ATCAY: variants seen among roughly 807,000 people sequenced by gnomAD.
ATCAY encodes the protein ATCAY kinesin light chain interacting caytaxin.
A neutral mutation model predicts 47.7 loss-of-function variants in ATCAY; 22 were observed. That is an observed-to-expected ratio of 0.46 (90% CI 0.33 to 0.66). The LOEUF (loss-of-function observed/expected upper bound fraction) is 0.66, where lower values mean the gene tolerates loss of function less well. ATCAY is among the 30% of genes least tolerant of loss of function. ATCAY has a pLI of 0.02. For missense variants in ATCAY, 452 were observed against 515.0 expected, an observed-to-expected ratio of 0.88 and a Z score of 1.18; for synonymous variants, 216 against 207.6, an observed-to-expected ratio of 1.04 and a Z score of -0.35.
intron 1 of ATCAY, among the ~76,000 whole-genome samples, chr19:3,883,570 T>C (rs1193308354): frequency 1.3e-5 from 2 of 152,204 alleles, no homozygotes; most frequent in East Asian, 3.9e-4. Flanking sequence ...TTCTTGGTCA[T>C]GGGCGGCCAT....
intron 2 of ATCAY, among the ~76,000 whole-genome samples, chr19:3,899,876 G>T (rs2038801344): frequency 6.6e-6 from 1 of 152,176 alleles, no homozygotes; most frequent in Non-Finnish European, 1.5e-5. Context: ...GCGGCTTCAA[G>T]AAGTGATCTG....
chr19:3,908,186 C>A, intron 5 of ATCAY, 82 bp from the exon 6 acceptor site: 2 of 1,262,534 alleles, frequency 1.6e-6, no homozygotes, highest in Non-Finnish European at 2.2e-6. Context: ...GTGTGGGCAC[C>A]GGGACGTGGT....
intron 8 of ATCAY, among the ~76,000 whole-genome samples, chr19:3,912,820 G>C (rs558481731): frequency 1.4e-4 from 22 of 152,014 alleles, no homozygotes; most frequent in Non-Finnish European, 2.8e-4. Context: ...AGGAGGTCGA[G>C]GCTGTAGTGA....
chr19:3,902,316 T>C (rs940910631), intron 2 of ATCAY, among the ~76,000 whole-genome samples, 171 bp from the exon 3 acceptor site: 1 of 152,278 alleles, frequency 6.6e-6, no homozygotes, highest in Non-Finnish European at 1.5e-5. Flanking sequence ...AGTGAGGCTC[T>C]GTCTCCAAAA....
rs1327437488 is a variant in ATCAY at position 3,907,667 on chromosome 19, G to C, written c.359-67G>C. 6 of 1,580,238 alleles carry C rather than the reference G, an allele frequency of 3.8e-6. No individual in the cohort carries two copies. Among genetic ancestry groups the C allele is most frequent in the Non-Finnish European group, 5.2e-6 (6 of 1,158,564 alleles). ...AGGGAGGTGGGAGAGGGGAAGGAAG[G>C]CTGAGCAGGAGGGCAGGAGATATCC... On this transcript the variant is annotated intron_variant, in intron 4 of 12. Coordinates refer to ENST00000450849, the MANE Select transcript of ATCAY (RefSeq NM_033064.5). This position sits in a 1 kb window ranked among gnomAD's most constrained non-coding sequence, Gnocchi z 5.1.
At chr19:3,914,318 C>T (rs1599145109) in intron 9 of ATCAY, among the ~76,000 whole-genome samples, 2 of 149,562 alleles carry the variant, frequency 1.3e-5, no homozygotes, top group Non-Finnish European at 1.5e-5. Context: ...GCAAAAGGCA[C>T]GTCTCCCATG....
chr19:3,881,869 C>CG (rs1180829634), intron 1 of ATCAY, among the ~76,000 whole-genome samples: 2 of 140,982 alleles, frequency 1.4e-5, no homozygotes, highest in African/African-American at 2.8e-5. Flanking sequence ...TGCCACCGCC[C>CG]CCCCCCCGAC....
chr19:3,917,579 C>A (rs2038976407), intron 9 of ATCAY, among the ~76,000 whole-genome samples, 163 bp from the exon 10 acceptor site: 1 of 55,756 alleles, frequency 1.8e-5, no homozygotes, highest in East Asian at 4.4e-4. Context: ...TGCAAGACTC[C>A]ATCTCAAAAA....
intron 2 of ATCAY, among the ~76,000 whole-genome samples, chr19:3,887,457 CTATTT>C (rs1426158328): frequency 2.6e-5 from 4 of 151,274 alleles, no homozygotes; most frequent in East Asian, 3.9e-4. Context: ...GACTCTGTCT[CTATTT>C]TATTTTATTT....
In ATCAY at chr19:3,907,209, C is replaced by G. The variant is rs1261098366; in HGVS notation, c.359-525C>G. ...CCTGTAATCCCAGAGCTTCGGGAGG[C>G]CAGGGTAGGAGGATCGCTTAAGGCC... is the stretch of plus-strand genomic sequence containing the variant. On this transcript the variant is annotated intron_variant, in intron 4 of 12. Transcript: ENST00000450849. The surrounding 1 kb of genome is among the most constrained non-coding windows in gnomAD (Gnocchi z 5.1). 6.6e-6 allele frequency among the ~76,000 whole-genome samples: 1 copy of G among 151,712 alleles called. No individual in the cohort carries two copies. Among genetic ancestry groups the G allele is most frequent in the Non-Finnish European group, 1.5e-5 (1 of 67,968 alleles).
In ATCAY at chr19:3,924,785, TAACGA is replaced by T; in HGVS notation, c.*194_*198del. On this transcript the variant is annotated 3_prime_UTR_variant, in exon 13 of 13. Coordinates refer to ENST00000450849, the MANE Select transcript of ATCAY (RefSeq NM_033064.5). ...TTGAAAACATTGTATTTTTTTTTTT[TAACGA>T]TGCAGTATTTGTGCGTTCCAGAAAA... 1.9e-6 allele frequency: 1 copy of T among 535,874 alleles called. No homozygotes were observed. Among genetic ancestry groups the T allele is most frequent in the Non-Finnish European group, 3.2e-6 (1 of 308,136 alleles). 33.2% of individuals were successfully genotyped at this position (535,874 alleles called of 1,614,324 possible). A position where few individuals can be genotyped will look rare whatever the true frequency, so the allele number is the denominator to read the frequency against.
intron 9 of ATCAY, among the ~76,000 whole-genome samples, chr19:3,914,285 A>C (rs559431329): frequency 6.8e-6 from 1 of 148,082 alleles, no homozygotes; most frequent in African/African-American, 2.5e-5. Flanking sequence ...GTGGCTGGCA[A>C]CGCCTCCCAA....
intron 7 of ATCAY, 36 bp downstream of exon 7, chr19:3,909,653 C>T (rs1313050497): frequency 6.4e-7 from 1 of 1,551,872 alleles, no homozygotes; most frequent in Admixed American, 2.0e-5. Context: ...ACAGTGGGGG[C>T]ATGAAAATCA....
intron 2 of ATCAY, among the ~76,000 whole-genome samples, chr19:3,887,833 G>A (rs2038676284): frequency 1.3e-5 from 2 of 150,264 alleles, no homozygotes; most frequent in African/African-American, 4.9e-5. Context: ...AAGGCCGGTC[G>A]CTGTGGCTCA....
chr19:3,908,468 A>G, intron 6 of ATCAY, 98 bp downstream of exon 6: 1 of 1,152,724 alleles, frequency 8.7e-7, no homozygotes, highest in East Asian at 2.6e-5. Flanking sequence ...GGCCCTAGGA[A>G]GCCTGCCTGG....
At chr19:3,914,348 A>G (rs1268250919) in intron 9 of ATCAY, among the ~76,000 whole-genome samples, 8 of 151,948 alleles carry the variant, frequency 5.3e-5, no homozygotes, top group Non-Finnish European at 1.2e-4. Flanking sequence ...AAGAGAAGGA[A>G]ATTTGTACAG....
chr19:3,888,681 C>T (rs1007354012), intron 2 of ATCAY, among the ~76,000 whole-genome samples: 9 of 151,926 alleles, frequency 5.9e-5, no homozygotes, highest in Admixed American at 2.6e-4. Flanking sequence ...GAGAGGGTTC[C>T]GGAGGGCAGA....
At chr19:3,886,933 C>T (rs975541605) in intron 2 of ATCAY, among the ~76,000 whole-genome samples, 2 of 151,862 alleles carry the variant, frequency 1.3e-5, no homozygotes, top group African/African-American at 2.4e-5. Flanking sequence ...AGGCCAGTCT[C>T]GAACTCCGAA....
At chr19:3,885,310 T>G (rs1242422363) in intron 1 of ATCAY, among the ~76,000 whole-genome samples, 2 of 151,358 alleles carry the variant, frequency 1.3e-5, no homozygotes, top group Admixed American at 6.6e-5. Context: ...TCCCAGCACT[T>G]TGGGAGGCCA....
Sources: gnomAD v4.1 joint callset for allele counts (sites outside exome capture counted in the v4.1 genomes callset) on GRCh38, gnomAD v4.1.1 for gene constraint, Gnocchi (gnomAD v3.1) non-coding constraint, MANE v1.5 for transcripts, NCBI Gene and HGNC (gene_info 2026-07-23, HGNC 2026-07-21) for gene names.